Variants in DEF8 observed in about 807,000 individuals in gnomAD.
DEF8 encodes DEF-8.
In DEF8, 38 loss-of-function variants were observed where a neutral mutation model predicts 59.1. The observed-to-expected ratio is 0.64, with a 90% CI of 0.50 to 0.84. The LOEUF is 0.84. Ranked by LOEUF, DEF8 falls within the 40% of genes least tolerant of loss-of-function variation. The pLI is 0.00. For missense variants in DEF8, 557 were observed against 615.2 expected, an observed-to-expected ratio of 0.91 and a Z score of 1.00; for synonymous variants, 265 against 250.1, an observed-to-expected ratio of 1.06 and a Z score of -0.56.
At chr16:89,955,888 C>A (rs146531403) in intron 4 of DEF8, among the ~76,000 whole-genome samples, 3 of 148,580 alleles carry the variant, frequency 2.0e-5, no homozygotes, top group Non-Finnish European at 4.5e-5. Context: ...CTGGCTAACA[C>A]GGTGAAACCC....
At position 89,959,022 on chromosome 16, in the gene DEF8, T is replaced by C. The variant is rs2033661430; in HGVS notation, c.381T>C (p.Asn127=). Residue 127 remains asparagine, a synonymous_variant, in exon 6 of 13, where the codon AAT becomes AAC. Coordinates refer to ENST00000563594, the MANE Select transcript of DEF8 (RefSeq NM_001242818.2). ...RLKLQELKDP[N]EDEPNIRVLL... is the part of the protein sequence containing the mutation. ...TGACTCACCCTCTGCAGGACCCCAA[T>C]GAGGATGAGCCAAACATCCGAGTGC... 3.7e-6 allele frequency: 6 copies of C among 1,612,010 alleles called. No homozygotes were observed. In the South Asian group the frequency reaches 6.6e-5, roughly 18 times the overall value.
In DEF8 at chr16:89,960,899, G is replaced by A. The variant is rs147066107; in HGVS notation, c.515-32G>A. On this transcript the variant is annotated intron_variant, in intron 6 of 12. Transcript: ENST00000563594. ...CCTGGGCTGCAGGCGCACCCTTCCC[G>A]CTTTTGAGAAGTGTGTGTCCCTCCA... The A allele has an allele frequency of 2.6e-5, 41 of 1,601,190 alleles. No homozygotes were observed. The African/African-American group carries it at 3.5e-4, about 14-fold the overall frequency.
At chr16:89,959,399 G>A (rs2033719649) in intron 6 of DEF8, 1 of 1,367,372 alleles carries the variant, frequency 7.3e-7, no homozygotes, top group African/African-American at 1.5e-5. Flanking sequence ...GAAGAAAAAG[G>A]GAAAGGACCT....
chr16:89,964,048 C>T (rs1193453536), intron 10 of DEF8, 122 bp from the exon 11 acceptor site: 3 of 1,351,238 alleles, frequency 2.2e-6, no homozygotes, highest in South Asian at 2.3e-5. Context: ...TCCTGGGGCC[C>T]AGACCCTTGT....
At chr16:89,953,364 C>G (rs1394618205) in intron 2 of DEF8, among the ~76,000 whole-genome samples, 1 of 152,120 alleles carries the variant, frequency 6.6e-6, no homozygotes, top group Non-Finnish European at 1.5e-5. Flanking sequence ...CCCACCCCAA[C>G]CAAAGTCCCT....
Position 89,954,114 on chromosome 16 carries a change from G to A in DEF8, c.-10-129G>A. 1 of 986,354 alleles carries A rather than the reference G, an allele frequency of 1.0e-6. No homozygotes were observed. Among genetic ancestry groups the A allele is most frequent in the South Asian group, 1.6e-5 (1 of 63,330 alleles). 61.1% of individuals were successfully genotyped at this position (986,354 alleles called of 1,614,324 possible). On this transcript the variant is annotated intron_variant, in intron 2 of 12. Coordinates refer to ENST00000563594, the MANE Select transcript of DEF8 (RefSeq NM_001242818.2). This position sits in a 1 kb window ranked among gnomAD's most constrained non-coding sequence, Gnocchi z 4.3. ...GCTGAAGATCAAGGCTGTGGTGTGAGGACTACCCACTTTAGGGAAGTGAAA... is the reference window on the plus strand; with the variant it reads ...GCTGAAGATCAAGGCTGTGGTGTGAAGACTACCCACTTTAGGGAAGTGAAA...
In DEF8 at chr16:89,955,286, A is replaced by G. The variant is rs1187287793; in HGVS notation, c.222+20A>G. 6.2e-7 allele frequency: 1 copy of G among 1,603,634 alleles called. No individual in the cohort carries two copies. The stretch of plus-strand genomic sequence containing the variant: ...CCTGTGGTAAGGTTTTAGATCTCGG[A>G]GGGGAGAGGGACTGAGGGAACCCCC... On this transcript the variant is annotated intron_variant, in intron 4 of 12. Transcript: ENST00000563594.
intron 7 of DEF8, among the ~76,000 whole-genome samples, chr16:89,961,384 A>C (rs1158535711): frequency 6.6e-6 from 1 of 152,228 alleles, no homozygotes; most frequent in Non-Finnish European, 1.5e-5. Flanking sequence ...GATGAGGACT[A>C]GGGAGAAGTC....
At chr16:89,964,130 C>A (rs1202202695) in intron 10 of DEF8, 40 bp from the exon 11 acceptor site, 2 of 1,613,770 alleles carry the variant, frequency 1.2e-6, no homozygotes, top group Non-Finnish European at 1.7e-6. Context: ...GGGAGGGGCC[C>A]TCCCCGGTGC....
chr16:89,963,831 GA>G, intron 10 of DEF8: 2 of 490,704 alleles, frequency 4.1e-6, no homozygotes. Context: ...GGGAAGACAA[GA>G]AAAATACGTT....
At chr16:89,963,999 A>G (rs1432018837) in intron 10 of DEF8, 171 bp from the exon 11 acceptor site, 3 of 880,234 alleles carry the variant, frequency 3.4e-6, no homozygotes, top group African/African-American at 1.6e-5. Context: ...GCCCGGGTCC[A>G]TCTTCCCCTG....
intron 2 of DEF8, 180 bp downstream of exon 2, chr16:89,949,693 A>C (rs1308463382): frequency 6.6e-7 from 1 of 1,514,238 alleles, no homozygotes; most frequent in Non-Finnish European, 9.0e-7. Flanking sequence ...CGTGCCCCGG[A>C]ACCCCGCCGG....
rs191028140 is a variant in DEF8 at position 89,954,685 on chromosome 16, G to C, written c.124+309G>C. Among the ~76,000 whole-genome samples, 1 of 152,176 alleles carries C rather than the reference G, an allele frequency of 6.6e-6. No individual in the cohort carries two copies. Among genetic ancestry groups the C allele is most frequent in the Admixed American group, 6.5e-5 (1 of 15,286 alleles). The stretch of plus-strand genomic sequence containing the variant: ...CAGCGCTGAGACCTGGTAAGGGAGA[G>C]GTTAGCCGAGGGAACGTGCTCTGGG... On this transcript the variant is annotated intron_variant, in intron 3 of 12. Coordinates refer to ENST00000563594, the MANE Select transcript of DEF8 (RefSeq NM_001242818.2). The surrounding 1 kb of genome is among the most constrained non-coding windows in gnomAD (Gnocchi z 4.3).
In DEF8 at chr16:89,964,241, C is replaced by A; in HGVS notation, c.1074C>A (p.Ala358=). The change falls in exon 11 of 13, where the codon GCC becomes GCA. Residue 358 remains alanine, a synonymous_variant. Coordinates refer to ENST00000563594, the MANE Select transcript of DEF8 (RefSeq NM_001242818.2). ...TCCAGGACCTCCTGGACGTGCATGC[C>A]GGCCGCCTGGGCTGCTCGCTCACCG... ...YSVQDLLDVH[A]GRLGCSLTEI... is the part of the protein sequence containing the mutation. The A allele has an allele frequency of 6.2e-7, 1 of 1,606,578 alleles. No homozygotes were observed. The highest frequency in any genetic ancestry group is 8.5e-7 in the Non-Finnish European group (1 of 1,177,514).
At position 89,959,121 on chromosome 16, in the gene DEF8, C is replaced by A. The variant is rs370111818; in HGVS notation, c.480C>A (p.Ile160=). 3.7e-6 allele frequency: 6 copies of A among 1,613,784 alleles called. No individual in the cohort carries two copies. Among genetic ancestry groups the A allele is most frequent in the Non-Finnish European group, 5.1e-6 (6 of 1,180,020 alleles). ...CCTGTGACAAGTGTAACACCATCAT[C>A]TGGGGGCTCATTCAGACCTGGTACA... The part of the protein sequence containing the change: ...KQTCDKCNTI[I]WGLIQTWYTC... The change falls in exon 6 of 13, where the codon ATC becomes ATA. Residue 160 remains isoleucine, a synonymous_variant. Coordinates refer to ENST00000563594, the MANE Select transcript of DEF8 (RefSeq NM_001242818.2).
rs375968022 is a variant in DEF8, at chr16:89,957,372, C to A, written c.223-139C>A. The A allele has an allele frequency of 8.2e-5, 77 of 943,758 alleles. 1 individual carries two copies. In the East Asian group the frequency reaches 9.7e-4, roughly 12 times the overall value. 58.5% of individuals were successfully genotyped at this position (943,758 alleles called of 1,614,324 possible). ...CACCTTTCCTGCCCTGGAGCAAGTC[C>A]TCGGTGCCCTCTGGGTTGAGTTTCC... is the stretch of plus-strand genomic sequence containing the variant. On this transcript the variant is annotated intron_variant, in intron 4 of 12. Coordinates refer to ENST00000563594, the MANE Select transcript of DEF8 (RefSeq NM_001242818.2).
chr16:89,949,188 G>A (rs533634887), intron 1 of DEF8, among the ~76,000 whole-genome samples: 2 of 151,588 alleles, frequency 1.3e-5, no homozygotes, highest in South Asian at 4.1e-4. Flanking sequence ...CCACCCCGGG[G>A]ACGCCGCCGC....
At position 89,955,290 on chromosome 16, in the gene DEF8, G is replaced by T. The variant is rs955367003; in HGVS notation, c.222+24G>T. The stretch of plus-strand genomic sequence containing the variant: ...TGGTAAGGTTTTAGATCTCGGAGGG[G>T]AGAGGGACTGAGGGAACCCCCAAGG... On this transcript the variant is annotated intron_variant, in intron 4 of 12. Coordinates refer to ENST00000563594, the MANE Select transcript of DEF8 (RefSeq NM_001242818.2). 3.8e-6 allele frequency: 6 copies of T among 1,596,834 alleles called. No homozygotes were observed. In the African/African-American group the frequency reaches 8.0e-5, roughly 21 times the overall value.
chr16:89,957,794 G>T, intron 5 of DEF8, 134 bp downstream of exon 5: 1 of 1,134,534 alleles, frequency 8.8e-7, no homozygotes, highest in Admixed American at 3.0e-5. Flanking sequence ...TGAGGTAGAA[G>T]GGCACGAGAC....
Sources: gnomAD v4.1 joint callset for allele counts (sites outside exome capture counted in the v4.1 genomes callset) on GRCh38, gnomAD v4.1.1 for gene constraint, Gnocchi (gnomAD v3.1) non-coding constraint, MANE v1.5 for transcripts, NCBI Gene and HGNC (gene_info 2026-07-23, HGNC 2026-07-21) for gene names.